PRR5L: variants seen among roughly 807,000 people sequenced by gnomAD.
PRR5L encodes proline-rich protein 5-like.
In PRR5L, 21 loss-of-function variants were observed where a neutral mutation model predicts 36.4. The ratio of observed to expected loss-of-function variants is 0.58; its 90% confidence interval spans 0.41 to 0.83. The LOEUF (loss-of-function observed/expected upper bound fraction) is 0.83. Ranked by LOEUF, PRR5L falls within the 40% of genes least tolerant of loss-of-function variation. PRR5L has a pLI of 0.00. For missense variants in PRR5L, 381 were observed against 473.3 expected, an observed-to-expected ratio of 0.80 and a Z score of 1.81; for synonymous variants, 188 against 197.0, an observed-to-expected ratio of 0.95 and a Z score of 0.38.
At chr11:36,462,317 G>C in intron 8 of PRR5L, 25 bp from the exon 9 acceptor site, 2 of 1,491,782 alleles carry the variant, frequency 1.3e-6, no homozygotes, top group Non-Finnish European at 1.8e-6. Flanking sequence ...CCCAATAACA[G>C]TCTTTGCTGA....
intron 1 of PRR5L, among the ~76,000 whole-genome samples, chr11:36,374,562 G>A (rs1857234239): frequency 6.6e-6 from 1 of 152,106 alleles, no homozygotes; most frequent in Non-Finnish European, 1.5e-5. Flanking sequence ...GAGATTGAGA[G>A]AGTTAGCAAT....
At chr11:36,338,117 C>T (rs1320543782) in intron 1 of PRR5L, among the ~76,000 whole-genome samples, 2 of 152,110 alleles carry the variant, frequency 1.3e-5, no homozygotes, top group Non-Finnish European at 2.9e-5. Context: ...ACAGTCTATG[C>T]TAGGAAAATA....
At position 36,410,777 on chromosome 11, in the gene PRR5L, C is replaced by T. The variant is rs1858008628; in HGVS notation, c.245+7399C>T. Reference sequence around the variant, plus strand: ...GACCAGAGAAGGGGAGGGGGCCTTTCTATCTGTTCCTGCTTAAGAGAAGCT... The same window carrying T: ...GACCAGAGAAGGGGAGGGGGCCTTTTTATCTGTTCCTGCTTAAGAGAAGCT... On this transcript the variant is annotated intron_variant, in intron 3 of 8. Transcript: ENST00000530639. Among the ~76,000 whole-genome samples, 4 of 152,330 alleles carry T rather than the reference C, an allele frequency of 2.6e-5. No homozygotes were observed. The South Asian group carries it at 6.2e-4, about 24-fold the overall frequency.
At chr11:36,427,969 T>C (rs747093005) in intron 4 of PRR5L, among the ~76,000 whole-genome samples, 1 of 152,186 alleles carries the variant, frequency 6.6e-6, no homozygotes, top group Non-Finnish European at 1.5e-5. Flanking sequence ...GGTACCTAGA[T>C]GGAGAGTGGG....
chr11:36,312,014 A>G (rs796439089), intron 1 of PRR5L, among the ~76,000 whole-genome samples: 24 of 152,326 alleles, frequency 1.6e-4, no homozygotes, highest in African/African-American at 5.8e-4. Context: ...AAGGAGTGAG[A>G]GGAGATAACA....
At chr11:36,365,512 T>G (rs1175558420) in intron 1 of PRR5L, among the ~76,000 whole-genome samples, 2 of 152,218 alleles carry the variant, frequency 1.3e-5, no homozygotes, top group Admixed American at 1.3e-4. Flanking sequence ...ATTGAATTTT[T>G]TTTTCTGAAG....
intron 4 of PRR5L, among the ~76,000 whole-genome samples, chr11:36,421,377 A>C (rs1206973147): frequency 2.6e-5 from 4 of 152,036 alleles, no homozygotes; most frequent in African/African-American, 9.7e-5. Context: ...ACAACTAATA[A>C]CCACTTGTCA....
chr11:36,308,791 A>G (rs999251278), intron 1 of PRR5L, among the ~76,000 whole-genome samples: 1 of 152,320 alleles, frequency 6.6e-6, no homozygotes, highest in South Asian at 2.1e-4. Flanking sequence ...AGAGGCTTTA[A>G]ATAATGCTTG....
intron 1 of PRR5L, among the ~76,000 whole-genome samples, chr11:36,387,807 G>A (rs1333483927): frequency 1.4e-4 from 22 of 152,218 alleles, no homozygotes; most frequent in Admixed American, 1.4e-3. Context: ...CTGTAGCTGT[G>A]ATGGGGTAGA....
intron 1 of PRR5L, among the ~76,000 whole-genome samples, chr11:36,382,575 C>T (rs1379417529): frequency 2.0e-5 from 3 of 152,130 alleles, no homozygotes; most frequent in African/African-American, 7.2e-5. Context: ...CTGTTGATTC[C>T]CAGACTACAA....
chr11:36,331,212 T>G (rs1856715587), intron 1 of PRR5L, among the ~76,000 whole-genome samples: 1 of 152,226 alleles, frequency 6.6e-6, no homozygotes, highest in African/African-American at 2.4e-5. Flanking sequence ...CCTTTTTATT[T>G]GACATGCTTC....
At chr11:36,386,958 A>G (rs1857468197) in intron 1 of PRR5L, among the ~76,000 whole-genome samples, 1 of 152,110 alleles carries the variant, frequency 6.6e-6, no homozygotes, top group Non-Finnish European at 1.5e-5. Context: ...TGGCCCCACC[A>G]CTTTTGAAAA....
At chr11:36,364,713 A>G (rs1197467251) in intron 1 of PRR5L, among the ~76,000 whole-genome samples, 1 of 152,190 alleles carries the variant, frequency 6.6e-6, no homozygotes, top group South Asian at 2.1e-4. Context: ...CAGGACCTCA[A>G]GCCAGCTCCT....
chr11:36,335,790 A>G (rs756459367), intron 1 of PRR5L, among the ~76,000 whole-genome samples: 20 of 152,262 alleles, frequency 1.3e-4, no homozygotes, highest in Non-Finnish European at 2.6e-4. Flanking sequence ...AGCCAACTAT[A>G]TAATAAGCAA....
intron 1 of PRR5L, among the ~76,000 whole-genome samples, chr11:36,320,633 G>A (rs1298846048): frequency 6.6e-6 from 1 of 152,224 alleles, no homozygotes; most frequent in African/African-American, 2.4e-5. Context: ...ACCTGGTAAG[G>A]TGGTGTACGG....
intron 3 of PRR5L, among the ~76,000 whole-genome samples, chr11:36,414,963 T>C (rs1361086215): frequency 2.1e-5 from 3 of 143,070 alleles, no homozygotes; most frequent in Non-Finnish European, 4.6e-5. Flanking sequence ...ATTTATTAAA[T>C]AGGGAATCCT....
At chr11:36,387,348 A>G (rs78820207) in intron 1 of PRR5L, among the ~76,000 whole-genome samples, 6,502 of 152,222 alleles carry the variant, frequency 0.043, 165 homozygotes, top group East Asian at 0.11. Context: ...GCACACCAAC[A>G]TGGCACATGT....
At chr11:36,313,290 G>A (rs72948133) in intron 1 of PRR5L, among the ~76,000 whole-genome samples, 5,297 of 152,210 alleles carry the variant, frequency 0.035, 143 homozygotes, top group Non-Finnish European at 0.054. Flanking sequence ...ATCTTGGTTG[G>A]GGTGAGAAAA....
At chr11:36,317,602 T>C (rs1287573659) in intron 1 of PRR5L, among the ~76,000 whole-genome samples, 4 of 152,212 alleles carry the variant, frequency 2.6e-5, no homozygotes, top group African/African-American at 9.7e-5. Context: ...AGGAGTAGAA[T>C]TGTTGGTTCA....
Sources: gnomAD v4.1 joint callset for allele counts (sites outside exome capture counted in the v4.1 genomes callset) on GRCh38, gnomAD v4.1.1 for gene constraint, MANE v1.5 for transcripts, NCBI Gene and HGNC (gene_info 2026-07-23, HGNC 2026-07-21) for gene names.